SETDB1: variants seen among roughly 807,000 people sequenced by gnomAD.
SETDB1 encodes the protein histone-lysine N-methyltransferase SETDB1.
SETDB1 carries 31 observed loss-of-function variants against 137.4 expected under a neutral mutation model. That is an observed-to-expected ratio of 0.23 (90% CI 0.17 to 0.30). SETDB1 has a LOEUF of 0.30. Among genes scored for constraint, SETDB1 ranks in the 10% least tolerant of loss-of-function variants. The pLI, the probability that SETDB1 is intolerant of heterozygous loss-of-function variation, is 1.00. For missense variants in SETDB1, 1,113 were observed against 1,631.5 expected, an observed-to-expected ratio of 0.68 and a Z score of 5.47; for synonymous variants, 548 against 579.9, an observed-to-expected ratio of 0.95 and a Z score of 0.79.
intron 14 of SETDB1, among the ~76,000 whole-genome samples, chr1:150,956,989 C>T (rs1020442747): frequency 3.9e-5 from 6 of 151,994 alleles, no homozygotes; most frequent in Non-Finnish European, 8.8e-5. Context: ...ATGTGGCATG[C>T]AGCTGTGGTC....
At chr1:150,943,893 C>T in intron 7 of SETDB1, 27 bp from the exon 8 acceptor site, 1 of 1,431,966 alleles carries the variant, frequency 7.0e-7, no homozygotes, top group Non-Finnish European at 9.8e-7. Flanking sequence ...ACCCCCAGAT[C>T]TTTCTGCTGT....
chr1:150,955,908 G>T (rs1670623044), intron 14 of SETDB1, among the ~76,000 whole-genome samples: 1 of 151,858 alleles, frequency 6.6e-6, no homozygotes, highest in South Asian at 2.1e-4. Flanking sequence ...AGCCAACATG[G>T]TGAAACCCTG....
At chr1:150,926,964 G>GA (rs1343667458) in intron 1 of SETDB1, among the ~76,000 whole-genome samples, 3 of 152,216 alleles carry the variant, frequency 2.0e-5, no homozygotes, top group Non-Finnish European at 4.4e-5. Context: ...TAATGAAAGA[G>GA]AAAACACTGA....
chr1:150,942,710 C>T (rs200646088), intron 6 of SETDB1, 22 bp downstream of exon 6: 1 of 1,607,300 alleles, frequency 6.2e-7, no homozygotes, highest in East Asian at 2.2e-5. Context: ...CTTGGAGGAA[C>T]CACTCCTGAA....
chr1:150,928,692 C>T (rs1274201095), intron 2 of SETDB1, among the ~76,000 whole-genome samples: 1 of 152,160 alleles, frequency 6.6e-6, no homozygotes, highest in Non-Finnish European at 1.5e-5. Flanking sequence ...TATACATGTG[C>T]CATGTTGGTG....
chr1:150,940,955 G>C (rs971768585), intron 4 of SETDB1, among the ~76,000 whole-genome samples: 1 of 151,258 alleles, frequency 6.6e-6, no homozygotes, highest in Non-Finnish European at 1.5e-5. Flanking sequence ...CCTAAATCAT[G>C]CCATTGCACT....
intron 14 of SETDB1, among the ~76,000 whole-genome samples, chr1:150,954,565 C>T (rs991369335): frequency 2.6e-5 from 4 of 151,888 alleles, no homozygotes; most frequent in Admixed American, 2.6e-4. Flanking sequence ...GAGACATTAT[C>T]ATAAAATGTC....
At chr1:150,952,358 A>G (rs946499041) in intron 14 of SETDB1, among the ~76,000 whole-genome samples, 2 of 152,132 alleles carry the variant, frequency 1.3e-5, no homozygotes, top group Non-Finnish European at 2.9e-5. Context: ...ATGACTTGCA[A>G]TAGAATGGAG....
rs758363753 is a variant in SETDB1, at chr1:150,926,413, T to G, written c.-116T>G. 13 of 223,806 alleles carry G rather than the reference T, an allele frequency of 5.8e-5. No homozygotes were observed. The highest frequency in any genetic ancestry group is 1.2e-4 in the Admixed American group (2 of 16,808). The allele number at this position is 223,806 out of a possible 1,614,324, so 13.9% of individuals were successfully genotyped here. ...TTCACGCTTCCTCCCCTCCCCCTCC[T>G]CCCTTATCCCTTCGCTTTCGCTCTT... On this transcript the variant is annotated 5_prime_UTR_variant, in exon 1 of 22. Coordinates refer to ENST00000692827, the MANE Select transcript of SETDB1 (RefSeq NM_001366418.1).
chr1:150,949,461 C>G lies in SETDB1; in HGVS notation c.1519C>G (p.Pro507Ala). ...ATCTGTGGGCTCTGGTCATTCCTCC[C>G]CTACATCTCCTGCACTCAGTGAAAA... ...PGSVGSGHSS[P>A]TSPALSENVS... Residue 507 changes from proline (P) to alanine (A), a missense_variant, in exon 12 of 22, where the codon CCT (proline) becomes GCT (alanine). By Grantham distance (27) the Pro-to-Ala change is conservative. Around this residue, in one of 11 missense-constraint regions of SETDB1, gnomAD observed 192 missense variants for 198.1 expected, o/e 0.97. Transcript: ENST00000692827. 2 of 1,614,122 alleles carry G rather than the reference C, an allele frequency of 1.2e-6. No homozygotes were observed. Among genetic ancestry groups the G allele is most frequent in the Non-Finnish European group, 1.7e-6 (2 of 1,180,018 alleles).
intron 14 of SETDB1, among the ~76,000 whole-genome samples, chr1:150,958,226 C>CTTTTTTTTTTT (rs796507284): frequency 7.4e-6 from 1 of 134,618 alleles, no homozygotes; most frequent in African/African-American, 2.8e-5. Context: ...AAATTATGAC[C>CTTTTTTTTTTT]TTTTTTTTTT....
At chr1:150,945,363 T>C in intron 9 of SETDB1, 2 of 1,314,140 alleles carry the variant, frequency 1.5e-6, no homozygotes, top group Non-Finnish European at 2.0e-6. Context: ...TTTAGGAGTA[T>C]TCACATTGTG....
At position 150,964,034 on chromosome 1, in the gene SETDB1, G is replaced by A. The variant is rs1196095831; in HGVS notation, c.3712G>A (p.Val1238Met). ...SPNLFVQNVFVDTHDLRFPWV... is the reference protein window; with the variant it reads ...SPNLFVQNVFMDTHDLRFPWV... ...CAACCTGTTTGTCCAGAATGTCTTC[G>A]TGGATACCCATGATCTTCGCTTCCC... The change falls in exon 21 of 22, where the codon GTG becomes ATG. Residue 1238 changes from valine (V) to methionine (M), a missense_variant. Physicochemically the swap from Val to Met is conservative, Grantham distance 21. This residue lies in a region of SETDB1 where 37 missense variants were observed against 123.2 expected (regional missense o/e 0.30). Transcript: ENST00000692827. 6.2e-7 allele frequency: 1 copy of A among 1,614,104 alleles called. No homozygotes were observed.
chr1:150,946,535 G>T (rs374815020), intron 9 of SETDB1, among the ~76,000 whole-genome samples: 1 of 151,946 alleles, frequency 6.6e-6, no homozygotes, highest in Non-Finnish European at 1.5e-5. Flanking sequence ...CACAACCTCC[G>T]CCTCCCTGGT....
chr1:150,941,155 C>A (rs1352678349), intron 4 of SETDB1, among the ~76,000 whole-genome samples, 174 bp from the exon 5 acceptor site: 1 of 152,076 alleles, frequency 6.6e-6, no homozygotes, highest in Admixed American at 6.6e-5. Flanking sequence ...AATAGCTAAA[C>A]TCCATATCAA....
At chr1:150,946,725 A>G (rs1409709283) in intron 9 of SETDB1, among the ~76,000 whole-genome samples, 161 bp from the exon 10 acceptor site, 1 of 152,128 alleles carries the variant, frequency 6.6e-6, no homozygotes, top group Admixed American at 6.6e-5. Context: ...TGGGATTACA[A>G]GCTACAGGCG....
In SETDB1 at chr1:150,959,171, C is replaced by T; in HGVS notation, c.2334-7C>T. On this transcript the variant is annotated splice_region_variant and splice_polypyrimidine_tract_variant and intron_variant, in intron 14 of 21. Coordinates refer to ENST00000692827, the MANE Select transcript of SETDB1 (RefSeq NM_001366418.1). ...CCGTGATTGATTTTATTCTAACCTC[C>T]TCCCAGGGTATATGAGTGTAACAAA... 3 of 1,528,808 alleles carry T rather than the reference C, an allele frequency of 2.0e-6. No homozygotes were observed. Among genetic ancestry groups the T allele is most frequent in the Non-Finnish European group, 2.6e-6 (3 of 1,145,338 alleles). 94.7% of individuals were successfully genotyped at this position (1,528,808 alleles called of 1,614,324 possible).
At position 150,949,318 on chromosome 1, in the gene SETDB1, T is replaced by A. The variant is rs369693967; in HGVS notation, c.1424+40T>A. The A allele has an allele frequency of 5.6e-6, 9 of 1,612,434 alleles. No individual in the cohort carries two copies. In the African/African-American group the frequency reaches 8.0e-5, roughly 14 times the overall value. ...TTCTTTTTCTTCAGTTTCTTTCATA[T>A]TATATTTTCCACATCCCTTACTATA... On this transcript the variant is annotated intron_variant, in intron 11 of 21. Coordinates refer to ENST00000692827, the MANE Select transcript of SETDB1 (RefSeq NM_001366418.1).
intron 14 of SETDB1, among the ~76,000 whole-genome samples, chr1:150,956,696 T>G (rs1434932770): frequency 3.3e-5 from 5 of 152,192 alleles, no homozygotes; most frequent in African/African-American, 1.2e-4. Flanking sequence ...ATATTACGTT[T>G]CAATAATCTT....
Sources: gnomAD v4.1 joint callset for allele counts (sites outside exome capture counted in the v4.1 genomes callset) on GRCh38, gnomAD v4.1.1 for gene constraint, gnomAD v4.1.1 regional missense constraint, MANE v1.5 for transcripts, NCBI Gene and HGNC (gene_info 2026-07-23, HGNC 2026-07-21) for gene names.